SNX29: variants seen among roughly 807,000 people sequenced by gnomAD.
SNX29 encodes the protein sorting nexin-29.
SNX29 carries 78 observed loss-of-function variants against 102.1 expected under a neutral mutation model. The ratio of observed to expected loss-of-function variants is 0.76; its 90% CI spans 0.64 to 0.92. The LOEUF is 0.92. Ranked by LOEUF, SNX29 falls within the 40% of genes least tolerant of loss-of-function variation. The pLI, the probability that SNX29 is intolerant of heterozygous loss-of-function variation, is 0.00. For synonymous variants in SNX29, 580 were observed against 414.5 expected, an observed-to-expected ratio of 1.40 and a Z score of -4.85; for missense variants, 1,280 against 1,061.7, an observed-to-expected ratio of 1.21 and a Z score of -2.86.
At chr16:12,013,133 AT>A (rs2056711357) in intron 3 of SNX29, among the ~76,000 whole-genome samples, 1 of 151,508 alleles carries the variant, frequency 6.6e-6, no homozygotes, top group East Asian at 2.0e-4. Flanking sequence ...CCTTGATGAG[AT>A]TCAGTGATTA....
At chr16:12,554,085 C>T (rs75347131) in intron 20 of SNX29, among the ~76,000 whole-genome samples, 2,097 of 152,216 alleles carry the variant, frequency 0.014, 50 homozygotes, top group African/African-American at 0.047. Flanking sequence ...CTTGGCCTCC[C>T]AAAAGCACTT....
At chr16:12,411,981 G>A (rs1159007017) in intron 18 of SNX29, among the ~76,000 whole-genome samples, 4 of 152,160 alleles carry the variant, frequency 2.6e-5, no homozygotes, top group African/African-American at 9.7e-5. Context: ...AAAACTGTAT[G>A]GAGCATCTCC....
chr16:12,223,088 G>A (rs757828609), intron 14 of SNX29, among the ~76,000 whole-genome samples: 4 of 152,164 alleles, frequency 2.6e-5, no homozygotes, highest in Non-Finnish European at 5.9e-5. Flanking sequence ...CGTTTCCTCA[G>A]TGTGAGTTGT....
At chr16:12,552,443 G>T (rs776312223) in intron 20 of SNX29, among the ~76,000 whole-genome samples, 5 of 152,208 alleles carry the variant, frequency 3.3e-5, no homozygotes, top group African/African-American at 1.2e-4. Flanking sequence ...GAGAGCTGGA[G>T]TGAAATACCT....
chr16:12,381,765 C>A (rs529882131), intron 16 of SNX29, among the ~76,000 whole-genome samples: 1 of 112,910 alleles, frequency 8.9e-6, no homozygotes, highest in South Asian at 3.2e-4. Flanking sequence ...CATCCATGCA[C>A]CCATCATCCA....
chr16:12,316,318 G>A (rs1225847655), intron 15 of SNX29, among the ~76,000 whole-genome samples: 1 of 152,170 alleles, frequency 6.6e-6, no homozygotes, highest in Non-Finnish European at 1.5e-5. Context: ...GCCGAGGTGG[G>A]TGGATCACGA....
intron 3 of SNX29, among the ~76,000 whole-genome samples, chr16:12,023,878 C>G (rs1341610398): frequency 6.6e-6 from 1 of 152,204 alleles, no homozygotes; most frequent in Non-Finnish European, 1.5e-5. Flanking sequence ...TATACGAAAT[C>G]TCCTGAGATG....
chr16:12,298,639 C>T (rs2080060055), intron 15 of SNX29, among the ~76,000 whole-genome samples: 1 of 152,160 alleles, frequency 6.6e-6, no homozygotes, highest in Non-Finnish European at 1.5e-5. Context: ...GATTTTCCTG[C>T]CAATGAGAGA....
intron 14 of SNX29, among the ~76,000 whole-genome samples, chr16:12,255,648 G>A (rs1166915257): frequency 6.6e-6 from 1 of 152,088 alleles, no homozygotes; most frequent in Admixed American, 6.5e-5. Context: ...TTGTGTGCCT[G>A]GTTGAGTTCA....
At chr16:12,102,700 A>G (rs1183515614) in intron 11 of SNX29, among the ~76,000 whole-genome samples, 1 of 152,166 alleles carries the variant, frequency 6.6e-6, no homozygotes, top group African/African-American at 2.4e-5. Flanking sequence ...AGTATTGCAA[A>G]TTCTGGCCAG....
intron 13 of SNX29, among the ~76,000 whole-genome samples, chr16:12,177,861 T>G (rs1472462185): frequency 6.6e-6 from 1 of 152,152 alleles, no homozygotes; most frequent in Non-Finnish European, 1.5e-5. Context: ...GACAATCAGA[T>G]GAAATTCCCC....
intron 1 of SNX29, among the ~76,000 whole-genome samples, chr16:11,990,578 A>G (rs1197845560): frequency 6.6e-6 from 1 of 151,810 alleles, no homozygotes; most frequent in Non-Finnish European, 1.5e-5. Flanking sequence ...GGGGGGTGGG[A>G]TGGGAGTTAA....
chr16:12,504,484 A>C (rs900826801), intron 19 of SNX29, among the ~76,000 whole-genome samples: 1 of 152,162 alleles, frequency 6.6e-6, no homozygotes, highest in Non-Finnish European at 1.5e-5. Context: ...AATGTTGTAT[A>C]CATGGAATCA....
chr16:12,211,559 T>G (rs979646627), intron 14 of SNX29, among the ~76,000 whole-genome samples: 6 of 150,942 alleles, frequency 4.0e-5, no homozygotes, highest in African/African-American at 1.2e-4. Context: ...CCAATAGGGG[T>G]GTGTGTGTGT....
chr16:12,436,434 A>C (rs1439877485), intron 18 of SNX29, among the ~76,000 whole-genome samples: 1 of 152,194 alleles, frequency 6.6e-6, no homozygotes, highest in Non-Finnish European at 1.5e-5. Flanking sequence ...TGCCTGGTGG[A>C]GTGGCGCGCG....
chr16:12,530,053 C>A (rs144440536), intron 20 of SNX29, among the ~76,000 whole-genome samples: 1 of 152,176 alleles, frequency 6.6e-6, no homozygotes, highest in East Asian at 1.9e-4. Flanking sequence ...CAAGTGTGTC[C>A]CAGTTCGGCA....
At chr16:12,207,323 C>T (rs745577755) in intron 14 of SNX29, among the ~76,000 whole-genome samples, 9 of 152,062 alleles carry the variant, frequency 5.9e-5, no homozygotes, top group Non-Finnish European at 1.2e-4. Flanking sequence ...GAGCCAAGAT[C>T]GCACCACTTC....
At chr16:12,106,511 T>TC (rs2053249804) in intron 11 of SNX29, among the ~76,000 whole-genome samples, 1 of 152,076 alleles carries the variant, frequency 6.6e-6, no homozygotes, top group Non-Finnish European at 1.5e-5. Flanking sequence ...GGCCTTGCAG[T>TC]CACCCAGGCT....
chr16:12,541,076 G>T (rs1375721905), intron 20 of SNX29, among the ~76,000 whole-genome samples: 1 of 152,188 alleles, frequency 6.6e-6, no homozygotes, highest in Non-Finnish European at 1.5e-5. Flanking sequence ...TTATTGACTA[G>T]CTGCCTCATG....
Sources: allele counts gnomAD v4.1 joint callset (sites outside exome capture counted in the v4.1 genomes callset), GRCh38; gene constraint gnomAD v4.1.1; transcripts MANE v1.5; gene names NCBI Gene and HGNC (gene_info 2026-07-23, HGNC 2026-07-21).